Variants in ARFGEF1 observed in about 807,000 individuals in gnomAD.
The protein encoded by ARFGEF1 is ARF guanine nucleotide exchange factor 1, also known as brefeldin A-inhibited guanine nucleotide-exchange protein 1.
Under a neutral mutation model 231.0 loss-of-function variants are expected in ARFGEF1, and 42 were observed. That is an observed-to-expected ratio of 0.18 (90% CI 0.14 to 0.24). The LOEUF is 0.24. ARFGEF1 is among the 10% of genes least tolerant of loss of function. The pLI, the probability that ARFGEF1 is intolerant of heterozygous loss-of-function variation, is 1.00. For missense variants in ARFGEF1, 1,345 were observed against 2,192.0 expected (o/e 0.61, Z 7.72); for synonymous variants, 710 against 732.3 (o/e 0.97, Z 0.49).
At position 67,296,412 on chromosome 8, in the gene ARFGEF1, CTCT is replaced by C. The variant is rs765515657; in HGVS notation, c.639+16_639+18del. 53 of 1,611,822 alleles carry C rather than the reference CTCT, an allele frequency of 3.3e-5. No homozygotes were observed. In the South Asian group the frequency reaches 4.5e-4, roughly 14 times the overall value. ...GCCTGTTGTGTTCTATACAACCTCTCTCTTCTTAAAATACTTACTGCTTGGTTT... is the reference window on the plus strand; with the variant it reads ...GCCTGTTGTGTTCTATACAACCTCTCTCTTAAAATACTTACTGCTTGGTTT... On this transcript the variant is annotated intron_variant, in intron 5 of 38. Coordinates refer to ENST00000262215, the MANE Select transcript of ARFGEF1 (RefSeq NM_006421.5).
chr8:67,303,993 G>A (rs71515061), intron 1 of ARFGEF1, among the ~76,000 whole-genome samples: 2,644 of 152,274 alleles, frequency 0.017, 32 homozygotes, highest in Non-Finnish European at 0.027. Context: ...GCATGGCTTG[G>A]ACGTATGGCT....
chr8:67,244,371 A>G (rs573467147), intron 19 of ARFGEF1, among the ~76,000 whole-genome samples: 1 of 124,930 alleles, frequency 8.0e-6, no homozygotes, highest in South Asian at 2.6e-4. Flanking sequence ...GAGTGAAGTG[A>G]CATCACAGCT....
intron 14 of ARFGEF1, among the ~76,000 whole-genome samples, chr8:67,261,007 G>A (rs1804596421): frequency 6.6e-6 from 1 of 152,208 alleles, no homozygotes; most frequent in Admixed American, 6.5e-5. Flanking sequence ...TCAAGTCTAT[G>A]AGGCTAAGAA....
intron 1 of ARFGEF1, among the ~76,000 whole-genome samples, chr8:67,319,502 CAAAA>C (rs34386557): frequency 9.6e-6 from 1 of 103,644 alleles, no homozygotes; most frequent in Non-Finnish European, 2.1e-5. Flanking sequence ...CACCCATTTG[CAAAA>C]AAAAAAAAAA....
chr8:67,212,310 C>T (rs373512461), intron 33 of ARFGEF1, among the ~76,000 whole-genome samples: 1 of 152,066 alleles, frequency 6.6e-6, no homozygotes, highest in South Asian at 2.1e-4. Context: ...CTCCAACTCC[C>T]GACCTCAGGT....
intron 1 of ARFGEF1, among the ~76,000 whole-genome samples, chr8:67,308,363 G>C (rs1806841667): frequency 6.6e-6 from 1 of 152,170 alleles, no homozygotes; most frequent in African/African-American, 2.4e-5. Flanking sequence ...TAACTTCTTG[G>C]CAAATGGGAG....
chr8:67,178,864 G>A (rs899798621), intron 5 of ARFGEF1, among the ~76,000 whole-genome samples: 10 of 152,336 alleles, frequency 6.6e-5, no homozygotes, highest in Admixed American at 6.5e-5. Flanking sequence ...ACTTGTGCAT[G>A]TGATGGGAAG....
chr8:67,236,317 CAAA>C (rs1170379472), intron 22 of ARFGEF1, among the ~76,000 whole-genome samples: 7 of 12,100 alleles, frequency 5.8e-4, no homozygotes, highest in Non-Finnish European at 1.2e-3. Flanking sequence ...GACTGTGACT[CAAA>C]AAAAAAAAAA....
chr8:67,185,020 G>C (rs1345446409), intron 5 of ARFGEF1, among the ~76,000 whole-genome samples: 3 of 149,420 alleles, frequency 2.0e-5, no homozygotes, highest in Non-Finnish European at 4.4e-5. Flanking sequence ...CAGGAGAATG[G>C]CGTGAACCCG....
chr8:67,243,217 C>T (rs576938261), intron 19 of ARFGEF1, among the ~76,000 whole-genome samples: 11 of 152,212 alleles, frequency 7.2e-5, no homozygotes, highest in African/African-American at 1.9e-4. Flanking sequence ...AAAGCAGATA[C>T]GGCATGGATC....
At chr8:67,336,992 C>T (rs560128001) in intron 1 of ARFGEF1, among the ~76,000 whole-genome samples, 28 of 152,010 alleles carry the variant, frequency 1.8e-4, no homozygotes, top group African/African-American at 6.3e-4. Flanking sequence ...ATCAGCCGGG[C>T]GCGGTAGCGC....
At chr8:67,242,234 G>C (rs1839953421) in intron 19 of ARFGEF1, among the ~76,000 whole-genome samples, 1 of 152,172 alleles carries the variant, frequency 6.6e-6, no homozygotes, top group Admixed American at 6.5e-5. Flanking sequence ...ACACCAGCTA[G>C]AGTGGCTAAG....
At chr8:67,263,304 A>G (rs1438077935) in intron 14 of ARFGEF1, among the ~76,000 whole-genome samples, 1 of 151,986 alleles carries the variant, frequency 6.6e-6, no homozygotes, top group Non-Finnish European at 1.5e-5. Flanking sequence ...GGCTATTGCA[A>G]GAGTTCTTAA....
chr8:67,244,343 A>C, intron 19 of ARFGEF1, among the ~76,000 whole-genome samples: 4 of 105,658 alleles, frequency 3.8e-5, no homozygotes, highest in African/African-American at 1.3e-4. Context: ...TGAGGATCTC[A>C]CTCTGTTACT....
At chr8:67,180,851 ATCT>A (rs982151406) in intron 5 of ARFGEF1, among the ~76,000 whole-genome samples, 5 of 151,774 alleles carry the variant, frequency 3.3e-5, no homozygotes, top group Admixed American at 1.3e-4. Flanking sequence ...GTACCATGGG[ATCT>A]TCTTTTTTTT....
chr8:67,277,025 T>C (rs1425394794), intron 8 of ARFGEF1, among the ~76,000 whole-genome samples: 1 of 152,110 alleles, frequency 6.6e-6, no homozygotes, highest in Admixed American at 6.6e-5. Flanking sequence ...ATTCAATTGG[T>C]AGATGGGTGT....
intron 19 of ARFGEF1, among the ~76,000 whole-genome samples, chr8:67,243,928 TCAAA>T (rs1229881370): frequency 1.3e-5 from 2 of 151,390 alleles, no homozygotes; most frequent in African/African-American, 2.4e-5. Context: ...TAAAAAAAAA[TCAAA>T]CAAAATTCCA....
intron 1 of ARFGEF1, 72 bp downstream of exon 1, chr8:67,343,092 C>CA: frequency 3.3e-6 from 2 of 611,428 alleles, no homozygotes; most frequent in South Asian, 4.0e-5. Flanking sequence ...CGGGCGACCC[C>CA]ACCCCCCCAC....
intron 29 of ARFGEF1, among the ~76,000 whole-genome samples, chr8:67,222,093 G>A (rs1459056228): frequency 2.0e-5 from 3 of 149,398 alleles, no homozygotes; most frequent in Non-Finnish European, 4.4e-5. Flanking sequence ...GATTACAGGC[G>A]TGAGCCACCA....
Sources: allele counts gnomAD v4.1 joint callset (sites outside exome capture counted in the v4.1 genomes callset), GRCh38; gene constraint gnomAD v4.1.1; transcripts MANE v1.5; gene names NCBI Gene and HGNC (gene_info 2026-07-23, HGNC 2026-07-21).